The following MAP2K5 variants were observed in gnomAD, a reference collection of about 807,000 sequenced individuals.
The protein encoded by MAP2K5 is mitogen-activated protein kinase kinase 5, also known as dual specificity mitogen-activated protein kinase kinase 5.
In MAP2K5, 49 loss-of-function variants were observed where a neutral mutation model predicts 83.1. The ratio of observed to expected loss-of-function variants is 0.59; its 90% CI spans 0.47 to 0.75. The LOEUF (loss-of-function observed/expected upper bound fraction) is 0.75. Ranked by LOEUF, MAP2K5 falls within the 30% of genes least tolerant of loss-of-function variation. The probability of loss-of-function intolerance (pLI) is 0.00; values close to 1 mark genes in which losing one functional copy is unlikely to be tolerated. For synonymous variants in MAP2K5, 202 were observed against 191.8 expected, an observed-to-expected ratio of 1.05 and a Z score of -0.44; for missense variants, 457 against 557.5, an observed-to-expected ratio of 0.82 and a Z score of 1.82.
chr15:67,688,016 G>A (rs755533065), intron 13 of MAP2K5, among the ~76,000 whole-genome samples: 18 of 152,196 alleles, frequency 1.2e-4, no homozygotes, highest in African/African-American at 3.1e-4. Context: ...TGCATACTAC[G>A]TGGTTAGGAA....
At chr15:67,601,474 C>A (rs2085657347) in intron 8 of MAP2K5, among the ~76,000 whole-genome samples, 1 of 152,162 alleles carries the variant, frequency 6.6e-6, no homozygotes, top group Non-Finnish European at 1.5e-5. Context: ...AAAATCCATA[C>A]TCTGTAAGAA....
chr15:67,665,275 TG>T lies in MAP2K5; in HGVS notation c.847+631del, dbSNP rs1343481572. ...CATGAGAGAATAATCAGATGAGTGT[TG>T]AATATTGCAAAAGGAATCTCCTTTT... On this transcript the variant is annotated intron_variant, in intron 13 of 21. Coordinates refer to ENST00000178640, the MANE Select transcript of MAP2K5 (RefSeq NM_145160.3). The surrounding 1 kb of genome is among the most constrained non-coding windows in gnomAD (Gnocchi z 4.2). Among the ~76,000 whole-genome samples the T allele has an allele frequency of 6.6e-6, 1 of 152,084 alleles. No individual in the cohort carries two copies.
chr15:67,566,865 G>A (rs1034376372), intron 3 of MAP2K5, among the ~76,000 whole-genome samples: 1 of 152,186 alleles, frequency 6.6e-6, no homozygotes, highest in African/African-American at 2.4e-5. Context: ...TTAATTTTAT[G>A]AGTGCCATAA....
Position 67,543,715 on chromosome 15 carries a change from G to A in MAP2K5, c.135+245G>A, listed in dbSNP as rs2084340769. Among the ~76,000 whole-genome samples, 1 of 152,160 alleles carries A rather than the reference G, an allele frequency of 6.6e-6. No individual in the cohort carries two copies. The highest frequency in any genetic ancestry group is 1.5e-5 in the Non-Finnish European group (1 of 68,034). On this transcript the variant is annotated intron_variant, in intron 1 of 21. Coordinates refer to ENST00000178640, the MANE Select transcript of MAP2K5 (RefSeq NM_145160.3). The surrounding 1 kb of genome is among the most constrained non-coding windows in gnomAD (Gnocchi z 4.3). ...CTGCCCTCAGAGAGCTCATGGCCCG[G>A]GCTGGGACACACATATAGACACAAC...
At position 67,644,375 on chromosome 15, in the gene MAP2K5, C is replaced by T. The variant is rs1270408606; in HGVS notation, c.586-1856C>T. ...CGCCACTACACTCCAGCCTGGGTGA[C>T]AGGGCAGGACTCCATCTCTAAATAA... On this transcript the variant is annotated intron_variant, in intron 9 of 21. Coordinates refer to ENST00000178640, the MANE Select transcript of MAP2K5 (RefSeq NM_145160.3). The surrounding 1 kb of genome is among the most constrained non-coding windows in gnomAD (Gnocchi z 4.6). 6.6e-6 allele frequency among the ~76,000 whole-genome samples: 1 copy of T among 152,144 alleles called. No individual in the cohort carries two copies. Among genetic ancestry groups the T allele is most frequent in the African/African-American group, 2.4e-5 (1 of 41,432 alleles).
chr15:67,678,456 G>A (rs1166639800), intron 13 of MAP2K5, among the ~76,000 whole-genome samples: 1 of 152,200 alleles, frequency 6.6e-6, no homozygotes, highest in Non-Finnish European at 1.5e-5. Flanking sequence ...TACCATGCCT[G>A]TTTCTAAGAG....
Position 67,573,654 on chromosome 15 carries a change from T to G in MAP2K5, c.253-7100T>G, listed in dbSNP as rs537407641. ...CGCAGCCCCAGGAAGTCAGGCATTC[T>G]TAGTTACAGGATGTTTAGAGTTAAG... On this transcript the variant is annotated intron_variant, in intron 3 of 21. Transcript: ENST00000178640. The surrounding 1 kb of genome is among the most constrained non-coding windows in gnomAD (Gnocchi z 4.2). Among the ~76,000 whole-genome samples the G allele has an allele frequency of 6.6e-6, 1 of 152,144 alleles. No homozygotes were observed. The highest frequency in any genetic ancestry group is 1.5e-5 in the Non-Finnish European group (1 of 68,016).
chr15:67,717,148 G>A lies in MAP2K5; in HGVS notation c.1045-10768G>A, dbSNP rs2088846217. Among the ~76,000 whole-genome samples the A allele has an allele frequency of 6.6e-6, 1 of 152,162 alleles. No homozygotes were observed. Among genetic ancestry groups the A allele is most frequent in the Non-Finnish European group, 1.5e-5 (1 of 68,020 alleles). ...GAACTGAGCAGGAAATCAGATAAAG[G>A]AAAAGACAGGTTAACTGTGACTCTG... is the stretch of plus-strand genomic sequence containing the variant. On this transcript the variant is annotated intron_variant, in intron 16 of 21. Transcript: ENST00000178640. This position sits in a 1 kb window ranked among gnomAD's most constrained non-coding sequence, Gnocchi z 4.1.
chr15:67,600,714 C>A lies in MAP2K5; in HGVS notation c.510C>A (p.Asp170Glu), dbSNP rs1487392260. 1 of 1,608,430 alleles carries A rather than the reference C, an allele frequency of 6.2e-7. No individual in the cohort carries two copies. The highest frequency in any genetic ancestry group is 8.5e-7 in the Non-Finnish European group (1 of 1,178,482). The change falls in exon 8 of 22, where the codon GAC (aspartate) becomes GAA (glutamate). Residue 170 changes from aspartate (D) to glutamate (E), a missense_variant. Asp to Glu is a conservative substitution (Grantham distance 45). Coordinates refer to ENST00000178640, the MANE Select transcript of MAP2K5 (RefSeq NM_145160.3). The stretch of plus-strand genomic sequence containing the variant: ...ATGAACAAGACATACGATATCGGGA[C>A]ACTCTTGGTCATGGCAACGGAGGCA... ...QMNEQDIRYR[D>E]TLGHGNGGTV... is the part of the protein sequence containing the mutation.
At position 67,763,019 on chromosome 15, in the gene MAP2K5, C is replaced by T. The variant is rs1424199768; in HGVS notation, c.1135-6583C>T. Among the ~76,000 whole-genome samples, 4 of 152,086 alleles carry T rather than the reference C, an allele frequency of 2.6e-5. No individual in the cohort carries two copies. In the East Asian group the frequency reaches 7.7e-4, roughly 29 times the overall value. On this transcript the variant is annotated intron_variant, in intron 19 of 21. Coordinates refer to ENST00000178640, the MANE Select transcript of MAP2K5 (RefSeq NM_145160.3). ...TGGCAGCCCAGAGCATGGGGTGAGC[C>T]AGTGTGGAAATTGAATCATCTTTCA... is the stretch of plus-strand genomic sequence containing the variant.
intron 15 of MAP2K5, among the ~76,000 whole-genome samples, chr15:67,699,094 T>G (rs2088342264): frequency 6.6e-6 from 1 of 152,142 alleles, no homozygotes; most frequent in Non-Finnish European, 1.5e-5. Context: ...CTAAGTTATT[T>G]AGATCAACTC....
chr15:67,797,431 G>A (rs1323757634), intron 21 of MAP2K5, among the ~76,000 whole-genome samples: 1 of 152,144 alleles, frequency 6.6e-6, no homozygotes, highest in Non-Finnish European at 1.5e-5. Context: ...CCTAACTCTT[G>A]ATTGTGAGTT....
chr15:67,578,486 A>G (rs2085111139), intron 3 of MAP2K5, among the ~76,000 whole-genome samples: 1 of 152,174 alleles, frequency 6.6e-6, no homozygotes, highest in African/African-American at 2.4e-5. Context: ...AAGCTTCTCT[A>G]TTAATACAGA....
In MAP2K5 at chr15:67,748,607, G is replaced by A; in HGVS notation, c.1134+6G>A. ...TGCAGTGCATTGTTGATGAGGTGAGGCATCGTCTTATGTGCTTTCACTCCT... is the reference window on the plus strand; with the variant it reads ...TGCAGTGCATTGTTGATGAGGTGAGACATCGTCTTATGTGCTTTCACTCCT... On this transcript the variant is annotated splice_donor_region_variant and intron_variant, in intron 19 of 21. Transcript: ENST00000178640. The surrounding 1 kb of genome is among the most constrained non-coding windows in gnomAD (Gnocchi z 4.0). 1 of 1,613,346 alleles carries A rather than the reference G, an allele frequency of 6.2e-7. No individual in the cohort carries two copies. Among genetic ancestry groups the A allele is most frequent in the Non-Finnish European group, 8.5e-7 (1 of 1,179,404 alleles).
rs890600482 is a variant in MAP2K5 at position 67,636,457 on chromosome 15, C to A, written c.585+5530C>A. Reference sequence around the variant, plus strand: ...ATAGTTATAATAACTGAATTAGTGGCCTTATCTATTTATTCCATCATATGT... The same window carrying A: ...ATAGTTATAATAACTGAATTAGTGGACTTATCTATTTATTCCATCATATGT... On this transcript the variant is annotated intron_variant, in intron 9 of 21. Transcript: ENST00000178640. This position sits in a 1 kb window ranked among gnomAD's most constrained non-coding sequence, Gnocchi z 4.7. Among the ~76,000 whole-genome samples, 65 of 151,410 alleles carry A rather than the reference C, an allele frequency of 4.3e-4. No homozygotes were observed. The highest frequency in any genetic ancestry group is 1.4e-3 in the African/African-American group (59 of 41,324).
intron 21 of MAP2K5, among the ~76,000 whole-genome samples, chr15:67,804,199 T>C (rs2090757359): frequency 6.6e-6 from 1 of 152,170 alleles, no homozygotes; most frequent in Admixed American, 6.5e-5. Context: ...ACACACTGGC[T>C]TTCTCTGTTG....
rs2090566931 is a variant in MAP2K5 at position 67,794,257 on chromosome 15, A to G, written c.1243-12389A>G. 6.6e-6 allele frequency among the ~76,000 whole-genome samples: 1 copy of G among 152,230 alleles called. No homozygotes were observed. The highest frequency in any genetic ancestry group is 1.5e-5 in the Non-Finnish European group (1 of 68,048). On this transcript the variant is annotated intron_variant, in intron 21 of 21. Transcript: ENST00000178640. The surrounding 1 kb of genome is among the most constrained non-coding windows in gnomAD (Gnocchi z 4.6). ...TTACCTTGGAAACCACAGTAAATCA[A>G]TAACAGAATAGTTAAATACCACAGG...
At position 67,572,533 on chromosome 15, in the gene MAP2K5, G is replaced by C. The variant is rs1382892058; in HGVS notation, c.253-8221G>C. On this transcript the variant is annotated intron_variant, in intron 3 of 21. Transcript: ENST00000178640. This position sits in a 1 kb window ranked among gnomAD's most constrained non-coding sequence, Gnocchi z 4.2. Reference sequence around the variant, plus strand: ...TGAAAGAATAGCTACTCACTCCATAGAGTAGGACGTTCCCGAAAGTAGGAG... The same window carrying C: ...TGAAAGAATAGCTACTCACTCCATACAGTAGGACGTTCCCGAAAGTAGGAG... 1.3e-5 allele frequency among the ~76,000 whole-genome samples: 2 copies of C among 152,148 alleles called. No individual in the cohort carries two copies. Among genetic ancestry groups the C allele is most frequent in the Admixed American group, 6.5e-5 (1 of 15,276 alleles).
intron 5 of MAP2K5, among the ~76,000 whole-genome samples, chr15:67,586,598 C>G (rs1361118431): frequency 6.6e-6 from 1 of 152,128 alleles, no homozygotes; most frequent in African/African-American, 2.4e-5. Flanking sequence ...GATTTTCACA[C>G]TGTTTATGTC....
Sources: allele counts gnomAD v4.1 joint callset (sites outside exome capture counted in the v4.1 genomes callset), GRCh38; gene constraint gnomAD v4.1.1; non-coding constraint Gnocchi (gnomAD v3.1); transcripts MANE v1.5; gene names NCBI Gene and HGNC (gene_info 2026-07-23, HGNC 2026-07-21).